CSMD3: variants seen among roughly 807,000 people sequenced by gnomAD.
The protein encoded by CSMD3 is CUB and Sushi multiple domains 3, also known as CUB and sushi domain-containing protein 3.
CSMD3 carries 177 observed loss-of-function variants against 435.2 expected under a neutral mutation model. The observed-to-expected ratio is 0.41, with a 90% confidence interval of 0.36 to 0.46. CSMD3 has a LOEUF of 0.46. CSMD3 is among the 20% of genes least tolerant of loss of function. The pLI is 0.34. For synonymous variants in CSMD3, 1,656 were observed against 1,520.5 expected (o/e 1.09, Z -2.07); for missense variants, 4,265 against 4,504.6 (o/e 0.95, Z 1.52).
chr8:113,011,213 T>G (rs1173057260), intron 6 of CSMD3, among the ~76,000 whole-genome samples: 3 of 151,816 alleles, frequency 2.0e-5, no homozygotes, highest in Non-Finnish European at 2.9e-5. Flanking sequence ...TTCTAAAACC[T>G]TATTTTATAT....
At chr8:113,372,135 A>G (rs1365892320) in intron 1 of CSMD3, among the ~76,000 whole-genome samples, 2 of 152,122 alleles carry the variant, frequency 1.3e-5, no homozygotes, top group Admixed American at 1.3e-4. Context: ...TTATATTTTA[A>G]ATATTTGGGA....
At chr8:112,435,851 T>G (rs1814275478) in intron 32 of CSMD3, among the ~76,000 whole-genome samples, 1 of 152,056 alleles carries the variant, frequency 6.6e-6, no homozygotes, top group Non-Finnish European at 1.5e-5. Context: ...TGCTAATTGG[T>G]AGAGATACAA....
intron 4 of CSMD3, among the ~76,000 whole-genome samples, chr8:113,099,624 C>A (rs2090272227): frequency 6.6e-6 from 1 of 151,964 alleles, no homozygotes; most frequent in South Asian, 2.1e-4. Flanking sequence ...ATAGATACAA[C>A]ACCATAAATA....
chr8:113,167,291 T>G (rs1378828897), intron 4 of CSMD3, among the ~76,000 whole-genome samples: 8 of 152,220 alleles, frequency 5.3e-5, no homozygotes, highest in Non-Finnish European at 1.5e-5. Context: ...TAGATAGTTT[T>G]GAGCACCTTC....
chr8:112,440,625 A>G (rs1023926421), intron 32 of CSMD3, among the ~76,000 whole-genome samples: 7 of 152,036 alleles, frequency 4.6e-5, no homozygotes, highest in African/African-American at 1.7e-4. Flanking sequence ...CTTCTGCCAG[A>G]CGATCAGGTG....
intron 13 of CSMD3, among the ~76,000 whole-genome samples, chr8:112,747,982 A>AAAAAC (rs1446893049): frequency 6.7e-6 from 1 of 150,148 alleles, no homozygotes. Flanking sequence ...AAAAAAAAAA[A>AAAAAC]AAAACAGGCA....
At chr8:112,517,884 A>G (rs1823847828) in intron 27 of CSMD3, among the ~76,000 whole-genome samples, 1 of 152,174 alleles carries the variant, frequency 6.6e-6, no homozygotes, top group African/African-American at 2.4e-5. Context: ...CCATTCACTT[A>G]CTATATACCA....
intron 4 of CSMD3, among the ~76,000 whole-genome samples, chr8:113,158,058 T>C (rs951081387): frequency 2.0e-5 from 3 of 151,976 alleles, no homozygotes; most frequent in African/African-American, 7.2e-5. Context: ...ACACAGAAAG[T>C]ATTTGTTCAA....
intron 9 of CSMD3, among the ~76,000 whole-genome samples, chr8:112,927,855 A>G (rs1327534135): frequency 6.6e-6 from 1 of 152,116 alleles, no homozygotes; most frequent in Non-Finnish European, 1.5e-5. Context: ...ATATTTCTTT[A>G]CACTGTTGGT....
intron 4 of CSMD3, among the ~76,000 whole-genome samples, chr8:113,128,999 T>C (rs1476869554): frequency 6.6e-6 from 1 of 152,140 alleles, no homozygotes; most frequent in Non-Finnish European, 1.5e-5. Flanking sequence ...AGAAAGTTAG[T>C]GATCTGTTAC....
At chr8:112,957,127 G>T (rs2084048709) in intron 7 of CSMD3, among the ~76,000 whole-genome samples, 1 of 151,922 alleles carries the variant, frequency 6.6e-6, no homozygotes, top group African/African-American at 2.4e-5. Flanking sequence ...TCTAAATCAT[G>T]TATCAGGTAT....
At chr8:112,999,446 G>C (rs535108417) in intron 6 of CSMD3, among the ~76,000 whole-genome samples, 2 of 151,772 alleles carry the variant, frequency 1.3e-5, no homozygotes, top group African/African-American at 4.8e-5. Context: ...AAGTGGGGAG[G>C]CAAGGAATGA....
At chr8:113,128,705 T>G (rs571257936) in intron 4 of CSMD3, among the ~76,000 whole-genome samples, 1 of 152,080 alleles carries the variant, frequency 6.6e-6, no homozygotes, top group African/African-American at 2.4e-5. Context: ...CCAAACATAT[T>G]TGAGTATATA....
chr8:112,559,750 C>T (rs1218714914), intron 24 of CSMD3, among the ~76,000 whole-genome samples: 2 of 151,694 alleles, frequency 1.3e-5, no homozygotes, highest in African/African-American at 2.4e-5. Flanking sequence ...ATCTAAGCTG[C>T]CGTAGCTATA....
At chr8:112,700,015 T>C (rs2076354507) in intron 13 of CSMD3, among the ~76,000 whole-genome samples, 1 of 152,100 alleles carries the variant, frequency 6.6e-6, no homozygotes, top group African/African-American at 2.4e-5. Context: ...TTTTAATTTG[T>C]TTGGAAGTGT....
intron 13 of CSMD3, among the ~76,000 whole-genome samples, chr8:112,729,540 A>T (rs537885069): frequency 7.2e-5 from 11 of 152,232 alleles, no homozygotes; most frequent in African/African-American, 2.6e-4. Context: ...AGAATTTGCA[A>T]ATGTTAACTT....
At chr8:113,169,471 T>C (rs749067255) in intron 4 of CSMD3, among the ~76,000 whole-genome samples, 1 of 152,154 alleles carries the variant, frequency 6.6e-6, no homozygotes, top group Non-Finnish European at 1.5e-5. Flanking sequence ...AGCCCTCATA[T>C]GCATTCCAAG....
intron 13 of CSMD3, among the ~76,000 whole-genome samples, chr8:112,785,608 C>G (rs1184558154): frequency 1.3e-5 from 2 of 151,892 alleles, no homozygotes; most frequent in Non-Finnish European, 2.9e-5. Context: ...GCATTTCTAT[C>G]TGCCAACAAT....
intron 13 of CSMD3, among the ~76,000 whole-genome samples, chr8:112,754,478 A>G (rs1182270343): frequency 2.1e-5 from 3 of 140,902 alleles, no homozygotes; most frequent in Non-Finnish European, 3.1e-5. Flanking sequence ...GTTTTTTAGG[A>G]AAAAAAAAAT....
Sources: gnomAD v4.1 joint callset for allele counts (sites outside exome capture counted in the v4.1 genomes callset) on GRCh38, gnomAD v4.1.1 for gene constraint, MANE v1.5 for transcripts, NCBI Gene and HGNC (gene_info 2026-07-23, HGNC 2026-07-21) for gene names.